Variants in CACNB2 observed in about 807,000 individuals in gnomAD.
The protein encoded by CACNB2 is calcium voltage-gated channel auxiliary subunit beta 2, also known as voltage-dependent L-type calcium channel subunit beta-2.
Under a neutral mutation model 73.3 loss-of-function variants are expected in CACNB2, and 42 were observed. That is an observed-to-expected ratio of 0.57 (90% CI 0.45 to 0.74). The LOEUF (loss-of-function observed/expected upper bound fraction) is 0.74, where lower values mean the gene tolerates loss of function less well. Among genes scored for constraint, CACNB2 ranks in the 30% least tolerant of loss-of-function variants. The pLI, the probability that CACNB2 is intolerant of heterozygous loss-of-function variation, is 0.00. For synonymous variants in CACNB2, 348 were observed against 310.3 expected (o/e 1.12, Z -1.28); for missense variants, 940 against 853.0 (o/e 1.10, Z -1.27).
At chr10:18,173,239 G>T (rs1469725250) in intron 2 of CACNB2, among the ~76,000 whole-genome samples, 1 of 152,120 alleles carries the variant, frequency 6.6e-6, no homozygotes, top group African/African-American at 2.4e-5. Context: ...ATCTTATAAA[G>T]CTATTTTGAG....
intron 3 of CACNB2, among the ~76,000 whole-genome samples, chr10:18,483,852 A>T (rs1489196522): frequency 6.6e-6 from 1 of 152,228 alleles, no homozygotes; most frequent in Non-Finnish European, 1.5e-5. Flanking sequence ...AAATGCCAGC[A>T]TCAGTTTAAA....
chr10:18,522,966 A>G (rs558702070), intron 9 of CACNB2, among the ~76,000 whole-genome samples: 5 of 151,524 alleles, frequency 3.3e-5, no homozygotes, highest in African/African-American at 9.7e-5. Context: ...AAAAACTATT[A>G]TAAGTTTCAA....
intron 2 of CACNB2, among the ~76,000 whole-genome samples, chr10:18,341,917 C>T (rs556077572): frequency 6.6e-6 from 1 of 152,088 alleles, no homozygotes; most frequent in Admixed American, 6.6e-5. Flanking sequence ...TCTAAAGATA[C>T]AGAATTTTAC....
chr10:18,539,083 G>C lies in CACNB2; in HGVS notation c.1489-147G>C, dbSNP rs1589775685. 9.2e-6 allele frequency: 9 copies of C among 979,050 alleles called. No individual in the cohort carries two copies. The East Asian group carries it at 2.2e-4, about 23-fold the overall frequency. 60.6% of individuals were successfully genotyped at this position (979,050 alleles called of 1,614,324 possible). The stretch of plus-strand genomic sequence containing the variant: ...GTATAAAGCCTTATAAATGCCACTG[G>C]ATGTTACCAAAGGGATGAAGCTAGG... On this transcript the variant is annotated intron_variant, in intron 13 of 13. Coordinates refer to ENST00000324631, the MANE Select transcript of CACNB2 (RefSeq NM_201596.3).
intron 10 of CACNB2, chr10:18,533,184 G>C (rs1360545246): frequency 1.3e-5 from 2 of 152,186 alleles, no homozygotes; most frequent in Non-Finnish European, 2.9e-5. Context: ...ACTGCAGTGG[G>C]AAGTGAAAGC....
intron 2 of CACNB2, among the ~76,000 whole-genome samples, chr10:18,358,545 T>TCTCG (rs2042020898): frequency 3.4e-5 from 1 of 29,418 alleles, no homozygotes; most frequent in Non-Finnish European, 9.5e-5. Flanking sequence ...TCTCTCTCTC[T>TCTCG]CTCTCTCGCT....
At position 18,307,348 on chromosome 10, in the gene CACNB2, G is replaced by A. The variant is rs559175956; in HGVS notation, c.214-94576G>A. Among the ~76,000 whole-genome samples, 6 of 152,248 alleles carry A rather than the reference G, an allele frequency of 3.9e-5. No homozygotes were observed. The South Asian group carries it at 1.0e-3, about 26-fold the overall frequency. On this transcript the variant is annotated intron_variant, in intron 2 of 13. Coordinates refer to ENST00000324631, the MANE Select transcript of CACNB2 (RefSeq NM_201596.3). Reference sequence around the variant, plus strand: ...GTGGTGGCACACGCCTGTAGTCCCAGCTACTCGGGAGGCTGAGGCAGGAGA... The same window carrying A: ...GTGGTGGCACACGCCTGTAGTCCCAACTACTCGGGAGGCTGAGGCAGGAGA...
chr10:18,391,095 G>A (rs1028594999), intron 2 of CACNB2, among the ~76,000 whole-genome samples: 1 of 152,188 alleles, frequency 6.6e-6, no homozygotes, highest in African/African-American at 2.4e-5. Context: ...TACAATGACT[G>A]TTTTTGGAGT....
intron 2 of CACNB2, among the ~76,000 whole-genome samples, chr10:18,309,526 C>T (rs1446366719): frequency 2.0e-5 from 3 of 152,074 alleles, no homozygotes; most frequent in South Asian, 2.1e-4. Flanking sequence ...GGTGCGATCT[C>T]GGCTCACTGC....
At chr10:18,515,579 T>C (rs1418293210) in intron 7 of CACNB2, among the ~76,000 whole-genome samples, 1 of 152,270 alleles carries the variant, frequency 6.6e-6, no homozygotes, top group Non-Finnish European at 1.5e-5. Flanking sequence ...TTGGCTTTTT[T>C]TGAATCAATT....
intron 2 of CACNB2, among the ~76,000 whole-genome samples, chr10:18,160,375 T>C (rs76213216): frequency 0.045 from 6,792 of 152,268 alleles, 215 homozygotes; most frequent in Middle Eastern, 0.11. Flanking sequence ...TTTCTGTAGT[T>C]ACTTTTATTT....
At chr10:18,403,751 T>C (rs904134281) in intron 3 of CACNB2, among the ~76,000 whole-genome samples, 4 of 151,924 alleles carry the variant, frequency 2.6e-5, no homozygotes, top group African/African-American at 4.8e-5. Flanking sequence ...AGAAATGATG[T>C]AGAGGATAAA....
In CACNB2 at chr10:18,461,015, C is replaced by T. The variant is rs972736468; in HGVS notation, c.334-37340C>T. On this transcript the variant is annotated intron_variant, in intron 3 of 13. Transcript: ENST00000324631. Reference sequence around the variant, plus strand: ...CGTGATCTTGGCTCACTGCAGCCTCCGCCTCCTGGGTTCAAGCTATTCTCC... The same window carrying T: ...CGTGATCTTGGCTCACTGCAGCCTCTGCCTCCTGGGTTCAAGCTATTCTCC... Among the ~76,000 whole-genome samples the T allele has an allele frequency of 1.1e-4, 16 of 152,170 alleles. No individual in the cohort carries two copies. The South Asian group carries it at 1.9e-3, about 18-fold the overall frequency.
chr10:18,269,013 G>A (rs538358177), intron 2 of CACNB2, among the ~76,000 whole-genome samples: 4 of 152,240 alleles, frequency 2.6e-5, no homozygotes, highest in Non-Finnish European at 4.4e-5. Context: ...TTCATGAGAT[G>A]TTATATGTGG....
At chr10:18,268,527 C>A (rs765714503) in intron 2 of CACNB2, among the ~76,000 whole-genome samples, 27 of 152,076 alleles carry the variant, frequency 1.8e-4, no homozygotes, top group Admixed American at 3.9e-4. Flanking sequence ...AGACGTAGAG[C>A]AATGTATATA....
At chr10:18,145,822 C>G (rs547868920) in intron 1 of CACNB2, among the ~76,000 whole-genome samples, 1 of 152,102 alleles carries the variant, frequency 6.6e-6, no homozygotes, top group African/African-American at 2.4e-5. Context: ...TTAAAGGAAC[C>G]GGGCCTGTCT....
At chr10:18,371,364 G>A (rs538935616) in intron 2 of CACNB2, among the ~76,000 whole-genome samples, 15 of 151,374 alleles carry the variant, frequency 9.9e-5, no homozygotes, top group East Asian at 1.9e-4. Context: ...CCCTTTCCCC[G>A]ACCCCACAAC....
intron 2 of CACNB2, among the ~76,000 whole-genome samples, chr10:18,231,419 T>C (rs1469078838): frequency 6.6e-6 from 1 of 152,210 alleles, no homozygotes; most frequent in Non-Finnish European, 1.5e-5. Context: ...CCTCAGGTGA[T>C]CCACCTGCCT....
In CACNB2 at chr10:18,539,526, C is replaced by CG. The variant is rs752545664; in HGVS notation, c.1788dup (p.Ser597GlufsTer3). 1 of 1,613,866 alleles carries CG rather than the reference C, an allele frequency of 6.2e-7. No individual in the cohort carries two copies. Among genetic ancestry groups the CG allele is most frequent in the Middle Eastern group, 1.6e-4 (1 of 6,062 alleles). On this transcript the variant is annotated frameshift_variant, in exon 14 of 14. Coordinates refer to ENST00000324631, the MANE Select transcript of CACNB2 (RefSeq NM_201596.3). LOFTEE classifies it high-confidence loss of function. ...ACCACAACCACAGAGACGAGACCCACGGGAGCAGTGACCACAGACACAGGG... is the reference window on the plus strand; with the variant it reads ...ACCACAACCACAGAGACGAGACCCACGGGGAGCAGTGACCACAGACACAGGG...
Sources: gnomAD v4.1 joint callset for allele counts (sites outside exome capture counted in the v4.1 genomes callset) on GRCh38, gnomAD v4.1.1 for gene constraint, MANE v1.5 for transcripts, NCBI Gene and HGNC (gene_info 2026-07-23, HGNC 2026-07-21) for gene names.